CCDC60: variants seen among roughly 807,000 people sequenced by gnomAD.
CCDC60 encodes the protein coiled-coil domain containing 60.
A neutral mutation model predicts 63.5 loss-of-function variants in CCDC60; 54 were observed. That is an observed-to-expected ratio of 0.85 (90% CI 0.68 to 1.07). The LOEUF (loss-of-function observed/expected upper bound fraction) is 1.07. Ranked by LOEUF, CCDC60 falls within the 50% of genes least tolerant of loss-of-function variation. The probability of loss-of-function intolerance (pLI) is 0.00; values close to 1 mark genes in which losing one functional copy is unlikely to be tolerated. For missense variants in CCDC60, 651 were observed against 684.3 expected, an observed-to-expected ratio of 0.95 and a Z score of 0.54; for synonymous variants, 206 against 238.8, an observed-to-expected ratio of 0.86 and a Z score of 1.27.
intron 1 of CCDC60, among the ~76,000 whole-genome samples, chr12:119,403,472 G>T (rs7306221): frequency 6.6e-6 from 1 of 152,082 alleles, no homozygotes; most frequent in African/African-American, 2.4e-5. Context: ...CCAAGTTGCA[G>T]ATTTCCTGGG....
rs891188614 is a variant in CCDC60 at position 119,540,834 on chromosome 12, C to T, written c.*119C>T. ...TCATGGATGCTCTTTATGGATGACC[C>T]TTTACAGTAGGGTCATCTGGAGACT... On this transcript the variant is annotated 3_prime_UTR_variant, in exon 14 of 14. Transcript: ENST00000327554. 4.3e-6 allele frequency: 3 copies of T among 692,530 alleles called. No homozygotes were observed. The highest frequency in any genetic ancestry group is 3.6e-5 in the African/African-American group (2 of 55,846). The allele number at this position is 692,530 out of a possible 1,614,324, so 42.9% of individuals were successfully genotyped here.
chr12:119,450,350 A>G (rs1031923967), intron 2 of CCDC60, among the ~76,000 whole-genome samples: 6 of 152,196 alleles, frequency 3.9e-5, no homozygotes, highest in African/African-American at 1.4e-4. Flanking sequence ...CACAGACTTC[A>G]TTGATATATA....
chr12:119,446,567 G>T (rs1950544835), intron 2 of CCDC60, among the ~76,000 whole-genome samples: 3 of 152,142 alleles, frequency 2.0e-5, no homozygotes, highest in Admixed American at 2.0e-4. Context: ...GGTTACAGAA[G>T]GATGTGGGAG....
Position 119,523,006 on chromosome 12 carries a change from G to T in CCDC60, c.1103+5G>T. On this transcript the variant is annotated splice_donor_5th_base_variant and intron_variant, in intron 10 of 13. Coordinates refer to ENST00000327554, the MANE Select transcript of CCDC60 (RefSeq NM_178499.5). ...AGTCCAGAAGAAGTCTAAAAAGTAA[G>T]CCAGGAGGGCAATGGAAGGAACCAC... 1 of 1,613,798 alleles carries T rather than the reference G, an allele frequency of 6.2e-7. No individual in the cohort carries two copies. The highest frequency in any genetic ancestry group is 8.5e-7 in the Non-Finnish European group (1 of 1,179,714).
intron 1 of CCDC60, among the ~76,000 whole-genome samples, chr12:119,371,722 C>A (rs1955899650): frequency 6.6e-6 from 1 of 152,188 alleles, no homozygotes; most frequent in Non-Finnish European, 1.5e-5. Context: ...CAGAGTTGTT[C>A]ATTTCTTTAG....
chr12:119,528,894 C>A, intron 12 of CCDC60, 148 bp downstream of exon 12: 2 of 742,090 alleles, frequency 2.7e-6, no homozygotes, highest in South Asian at 2.3e-5. Flanking sequence ...TCCCCCACCC[C>A]CCAGAAACAC....
At chr12:119,485,760 G>T (rs1424931342) in intron 4 of CCDC60, among the ~76,000 whole-genome samples, 1 of 152,114 alleles carries the variant, frequency 6.6e-6, no homozygotes, top group Non-Finnish European at 1.5e-5. Flanking sequence ...ACAGAGGTTC[G>T]AATTTCAACA....
At chr12:119,373,664 G>T (rs1427672116) in intron 1 of CCDC60, among the ~76,000 whole-genome samples, 1 of 87,440 alleles carries the variant, frequency 1.1e-5, no homozygotes, top group African/African-American at 3.3e-5. Context: ...CTCCGGGGTG[G>T]GGTGGGGGGG....
At position 119,472,135 on chromosome 12, in the gene CCDC60, A is replaced by T; in HGVS notation, c.312A>T (p.Ser104=). ...AATTCCAGCCAGCCGAAAAGATCTC[A>T]GAAATCCACTATGGGGACACCTTAT... ...RNKFQPAEKI[S]EIHYGDTLLS... is the part of the protein sequence containing the mutation. The change falls in exon 3 of 14, where the codon TCA becomes TCT. Residue 104 remains serine (S), a synonymous_variant. Coordinates refer to ENST00000327554, the MANE Select transcript of CCDC60 (RefSeq NM_178499.5). The T allele has an allele frequency of 6.2e-7, 1 of 1,612,340 alleles. No homozygotes were observed. Among genetic ancestry groups the T allele is most frequent in the East Asian group, 2.2e-5 (1 of 44,880 alleles).
intron 1 of CCDC60, among the ~76,000 whole-genome samples, chr12:119,395,650 G>C (rs1956238833): frequency 2.0e-5 from 3 of 152,204 alleles, no homozygotes; most frequent in African/African-American, 7.2e-5. Context: ...GCACGGTAAT[G>C]AGTTTCACTC....
intron 1 of CCDC60, among the ~76,000 whole-genome samples, chr12:119,393,247 G>T (rs1593018017): frequency 6.6e-6 from 1 of 152,104 alleles, no homozygotes; most frequent in African/African-American, 2.4e-5. Flanking sequence ...AAACTCAATC[G>T]TGTGTTTTTG....
intron 1 of CCDC60, among the ~76,000 whole-genome samples, chr12:119,384,680 A>T (rs1446462368): frequency 1.3e-5 from 2 of 152,198 alleles, no homozygotes; most frequent in African/African-American, 4.8e-5. Context: ...AGAGAGCTGC[A>T]AGGGGCTGGT....
chr12:119,387,560 G>A (rs188605673), intron 1 of CCDC60, among the ~76,000 whole-genome samples: 1 of 152,282 alleles, frequency 6.6e-6, no homozygotes, highest in East Asian at 1.9e-4. Context: ...TTATGTATAT[G>A]ATGTGATTCC....
At chr12:119,347,223 A>G (rs7969913) in intron 1 of CCDC60, among the ~76,000 whole-genome samples, 45,293 of 152,150 alleles carry the variant, frequency 0.3, 8,451 homozygotes, top group Middle Eastern at 0.44. Context: ...TACTGGATCA[A>G]TATACTGCCA....
At chr12:119,485,624 C>G (rs147986093) in intron 4 of CCDC60, among the ~76,000 whole-genome samples, 1 of 152,024 alleles carries the variant, frequency 6.6e-6, no homozygotes, top group African/African-American at 2.4e-5. Context: ...TCTCTTTAGG[C>G]GTCCAAATCT....
At chr12:119,466,210 G>A (rs761393635) in intron 2 of CCDC60, among the ~76,000 whole-genome samples, 8 of 151,986 alleles carry the variant, frequency 5.3e-5, no homozygotes, top group Non-Finnish European at 1.0e-4. Flanking sequence ...CTGGCATCTC[G>A]TCCCACTTGC....
At chr12:119,382,274 C>T (rs753867491) in intron 1 of CCDC60, among the ~76,000 whole-genome samples, 1 of 152,222 alleles carries the variant, frequency 6.6e-6, no homozygotes, top group Non-Finnish European at 1.5e-5. Flanking sequence ...AGAGATATGT[C>T]TTCCAGGCCT....
chr12:119,358,529 T>A (rs914178435), intron 1 of CCDC60, among the ~76,000 whole-genome samples: 1 of 152,142 alleles, frequency 6.6e-6, no homozygotes, highest in South Asian at 2.1e-4. Context: ...AGTAGTCTGT[T>A]ATAGCAGCAC....
chr12:119,438,401 G>A (rs1199250262), intron 2 of CCDC60, among the ~76,000 whole-genome samples: 1 of 152,210 alleles, frequency 6.6e-6, no homozygotes, highest in Non-Finnish European at 1.5e-5. Flanking sequence ...TTTTCCAGAT[G>A]ACAAGCAATG....
Sources: allele counts gnomAD v4.1 joint callset (sites outside exome capture counted in the v4.1 genomes callset), GRCh38; gene constraint gnomAD v4.1.1; transcripts MANE v1.5; gene names NCBI Gene and HGNC (gene_info 2026-07-23, HGNC 2026-07-21).